Variants in CSMD1 observed in about 807,000 individuals in gnomAD.
CSMD1 encodes the protein CUB and Sushi multiple domains 1, also known as CUB and sushi domain-containing protein 1.
Under a neutral mutation model 417.5 loss-of-function variants are expected in CSMD1, and 213 were observed. The observed-to-expected ratio is 0.51, with a 90% CI of 0.46 to 0.57. The LOEUF is 0.57. Ranked by LOEUF, CSMD1 falls within the 20% of genes least tolerant of loss-of-function variation. CSMD1 has a pLI of 0.00. For missense variants in CSMD1, 6,923 were observed against 4,529.7 expected, an observed-to-expected ratio of 1.53 and a Z score of -15.17; for synonymous variants, 2,862 against 1,736.8, an observed-to-expected ratio of 1.65 and a Z score of -16.11.
chr8:4,398,775 T>C (rs1452837467), intron 3 of CSMD1, among the ~76,000 whole-genome samples: 1 of 152,244 alleles, frequency 6.6e-6, no homozygotes, highest in African/African-American at 2.4e-5. Context: ...AAATTATTGA[T>C]CAGCACTGTT....
In CSMD1 at chr8:4,641,841, C is replaced by T. The variant is rs551148262; in HGVS notation, c.86-4283G>A. On this transcript the variant is annotated intron_variant, in intron 1 of 69. Coordinates refer to ENST00000635120, the MANE Select transcript of CSMD1 (RefSeq NM_033225.6). ...TGTCGTTCTTTAAAACTAATCAATG[C>T]CCATTGAAGGAAAAAAAAGTGAAAG... Among the ~76,000 whole-genome samples, 6 of 152,142 alleles carry T rather than the reference C, an allele frequency of 3.9e-5. No homozygotes were observed. In the East Asian group the frequency reaches 9.6e-4, roughly 24 times the overall value.
chr8:4,587,687 G>A (rs192603716), intron 2 of CSMD1, among the ~76,000 whole-genome samples: 3 of 152,174 alleles, frequency 2.0e-5, no homozygotes, highest in African/African-American at 4.8e-5. Flanking sequence ...CCTTCACTAG[G>A]TACTGGTTAA....
At chr8:4,951,484 A>T (rs1389802916) in intron 1 of CSMD1, among the ~76,000 whole-genome samples, 2 of 150,458 alleles carry the variant, frequency 1.3e-5, no homozygotes, top group Non-Finnish European at 3.0e-5. Context: ...AAGGAAAAGG[A>T]AACAGAACAG....
At chr8:3,990,251 G>C (rs1814643185) in intron 5 of CSMD1, among the ~76,000 whole-genome samples, 2 of 152,108 alleles carry the variant, frequency 1.3e-5, no homozygotes. Flanking sequence ...ATCCATAAAA[G>C]ACTTCTTTTT....
At chr8:3,641,217 T>A (rs1383320837) in intron 7 of CSMD1, among the ~76,000 whole-genome samples, 1 of 151,994 alleles carries the variant, frequency 6.6e-6, no homozygotes, top group Non-Finnish European at 1.5e-5. Flanking sequence ...TTCCAGACTT[T>A]CCACTTGGCT....
chr8:4,391,043 T>C (rs749299760), intron 3 of CSMD1, among the ~76,000 whole-genome samples: 7 of 152,176 alleles, frequency 4.6e-5, no homozygotes, highest in Non-Finnish European at 1.0e-4. Flanking sequence ...TGGGATCCTG[T>C]TTAAACCCCA....
intron 1 of CSMD1, among the ~76,000 whole-genome samples, chr8:4,673,202 C>A (rs1805439369): frequency 6.6e-6 from 1 of 152,236 alleles, no homozygotes; most frequent in East Asian, 1.9e-4. Context: ...TTATCAGGTA[C>A]AATGTTAAAA....
intron 10 of CSMD1, among the ~76,000 whole-genome samples, chr8:3,541,765 A>G (rs1021325848): frequency 6.7e-6 from 1 of 150,286 alleles, no homozygotes. Context: ...AAACAAAATA[A>G]TATCAACTAC....
At chr8:3,038,848 C>A (rs1026758116) in intron 50 of CSMD1, among the ~76,000 whole-genome samples, 5 of 152,054 alleles carry the variant, frequency 3.3e-5, no homozygotes, top group Non-Finnish European at 7.3e-5. Context: ...GGATTTGGCA[C>A]AGTTAGTGCC....
At chr8:3,386,779 C>A (rs1178176646) in intron 18 of CSMD1, among the ~76,000 whole-genome samples, 2 of 152,208 alleles carry the variant, frequency 1.3e-5, no homozygotes, top group African/African-American at 2.4e-5. Context: ...ATGTTATTTT[C>A]CATAGAAACA....
chr8:4,962,097 G>T (rs1427104854), intron 1 of CSMD1, among the ~76,000 whole-genome samples: 1 of 121,474 alleles, frequency 8.2e-6, no homozygotes, highest in African/African-American at 3.6e-5. Flanking sequence ...ATGCATGTAA[G>T]TATGTATTTT....
intron 1 of CSMD1, among the ~76,000 whole-genome samples, chr8:4,795,168 C>T (rs116732243): frequency 1.5e-3 from 221 of 149,384 alleles, no homozygotes; most frequent in African/African-American, 5.2e-3. Flanking sequence ...ATGTAGTAGC[C>T]ACATTTTTAG....
chr8:4,360,718 T>G (rs549305060), intron 3 of CSMD1, among the ~76,000 whole-genome samples: 1 of 152,026 alleles, frequency 6.6e-6, no homozygotes, highest in Non-Finnish European at 1.5e-5. Flanking sequence ...TGGTCTCCGA[T>G]CTCCTGACCT....
chr8:4,947,306 G>T (rs922056771), intron 1 of CSMD1, among the ~76,000 whole-genome samples: 1 of 152,152 alleles, frequency 6.6e-6, no homozygotes, highest in East Asian at 1.9e-4. Flanking sequence ...CCATTTGGTA[G>T]TTTGGAAAAA....
At chr8:4,632,454 G>A (rs1802578666) in intron 2 of CSMD1, among the ~76,000 whole-genome samples, 1 of 152,186 alleles carries the variant, frequency 6.6e-6, no homozygotes, top group Non-Finnish European at 1.5e-5. Context: ...GGAGATTGCA[G>A]TGAGCCAATA....
At chr8:4,199,484 T>A (rs116295536) in intron 3 of CSMD1, among the ~76,000 whole-genome samples, 1 of 152,082 alleles carries the variant, frequency 6.6e-6, no homozygotes, top group African/African-American at 2.4e-5. Flanking sequence ...AAAAGGCAAA[T>A]AGGAATATGG....
chr8:3,783,709 G>A (rs1428480092), intron 5 of CSMD1, among the ~76,000 whole-genome samples: 1 of 152,184 alleles, frequency 6.6e-6, no homozygotes, highest in East Asian at 1.9e-4. Context: ...CCTCCCCTTT[G>A]CTCCTGAAAG....
intron 5 of CSMD1, among the ~76,000 whole-genome samples, chr8:3,909,716 T>C (rs943578053): frequency 9.9e-5 from 15 of 152,236 alleles, no homozygotes; most frequent in African/African-American, 3.6e-4. Flanking sequence ...GCGGCTTGTG[T>C]AGCAAAGGCA....
chr8:3,027,958 T>C, intron 51 of CSMD1, among the ~76,000 whole-genome samples: 1 of 152,184 alleles, frequency 6.6e-6, no homozygotes, highest in Non-Finnish European at 1.5e-5. Context: ...TGAAAATTCT[T>C]CGGGAACGCT....
Sources: gnomAD v4.1 joint callset for allele counts (sites outside exome capture counted in the v4.1 genomes callset) on GRCh38, gnomAD v4.1.1 for gene constraint, MANE v1.5 for transcripts, NCBI Gene and HGNC (gene_info 2026-07-23, HGNC 2026-07-21) for gene names.